The following TTC7A variants were observed in gnomAD, a reference collection of about 807,000 sequenced individuals.
TTC7A encodes the protein tetratricopeptide repeat domain 7A.
TTC7A carries 110 observed loss-of-function variants against 103.7 expected under a neutral mutation model. The ratio of observed to expected loss-of-function variants is 1.06; its 90% confidence interval spans 0.91 to 1.24. The LOEUF (loss-of-function observed/expected upper bound fraction) is 1.24. Among genes scored for constraint, TTC7A ranks in the 50% most tolerant of loss-of-function variants. The probability of loss-of-function intolerance (pLI) is 0.00; values close to 1 mark genes in which losing one functional copy is unlikely to be tolerated. For missense variants in TTC7A, 1,340 were observed against 1,116.3 expected, an observed-to-expected ratio of 1.20 and a Z score of -2.86; for synonymous variants, 521 against 467.9, an observed-to-expected ratio of 1.11 and a Z score of -1.47.
intron 11 of TTC7A, among the ~76,000 whole-genome samples, chr2:47,011,835 G>T (rs1408512707): frequency 6.6e-6 from 1 of 152,268 alleles, no homozygotes; most frequent in African/African-American, 2.4e-5. Flanking sequence ...TCTGGGGGCA[G>T]AGCTGCTCTT....
chr2:47,013,594 C>T (rs926470114), intron 11 of TTC7A, among the ~76,000 whole-genome samples: 15 of 152,208 alleles, frequency 9.9e-5, no homozygotes, highest in Non-Finnish European at 4.4e-5. Flanking sequence ...AGCCAACGGC[C>T]GCCCTTGCCA....
chr2:46,973,071 C>T (rs1383947242), intron 3 of TTC7A, among the ~76,000 whole-genome samples: 2 of 120,698 alleles, frequency 1.7e-5, no homozygotes, highest in South Asian at 2.7e-4. Context: ...GGGCTCACAA[C>T]TGTATGCTTT....
chr2:46,933,241 G>C (rs1216614690), intron 2 of TTC7A, among the ~76,000 whole-genome samples: 2 of 152,142 alleles, frequency 1.3e-5, no homozygotes, highest in Non-Finnish European at 2.9e-5. Flanking sequence ...GAAGGGACTG[G>C]GATGGTGGGA....
At chr2:47,041,650 G>A (rs571735540) in intron 15 of TTC7A, among the ~76,000 whole-genome samples, 2 of 152,092 alleles carry the variant, frequency 1.3e-5, no homozygotes, top group East Asian at 3.9e-4. Context: ...CTGCTCAGGA[G>A]GCTGAGGCAG....
chr2:47,007,921 C>T lies in TTC7A; in HGVS notation c.1287+1197C>T, dbSNP rs1357566336. Among the ~76,000 whole-genome samples, 1 of 152,236 alleles carries T rather than the reference C, an allele frequency of 6.6e-6. No individual in the cohort carries two copies. Among genetic ancestry groups the T allele is most frequent in the Non-Finnish European group, 1.5e-5 (1 of 68,040 alleles). On this transcript the variant is annotated intron_variant, in intron 10 of 19. Coordinates refer to ENST00000319190, the MANE Select transcript of TTC7A (RefSeq NM_020458.4). This position sits in a 1 kb window ranked among gnomAD's most constrained non-coding sequence, Gnocchi z 4.9. ...CAGAACACAGGGCAAGGCCCTGGCC[C>T]TCCAAGGGTTAGAGAGTGAGAGAAA...
intron 16 of TTC7A, among the ~76,000 whole-genome samples, chr2:47,048,929 T>C (rs1002456249): frequency 2.0e-5 from 3 of 152,084 alleles, no homozygotes; most frequent in Non-Finnish European, 4.4e-5. Flanking sequence ...GCACCACACT[T>C]TGTGCCTCCT....
chr2:46,958,726 C>G (rs1323930759), intron 3 of TTC7A, among the ~76,000 whole-genome samples: 2 of 152,208 alleles, frequency 1.3e-5, no homozygotes, highest in Non-Finnish European at 2.9e-5. Context: ...TTGCCTGACC[C>G]TGTGTGTGCT....
chr2:47,012,885 G>A lies in TTC7A; in HGVS notation c.1392+1450G>A, dbSNP rs147474819. Among the ~76,000 whole-genome samples the A allele has an allele frequency of 3.2e-3, 492 of 152,316 alleles. 1 individual carries two copies. The highest frequency in any genetic ancestry group is 0.011 in the African/African-American group (475 of 41,564). ...TGTGGCTGATCAGGAGGAAGGGAAA[G>A]TGTGGCATCTGGCTCGTGTTCTTTA... is the stretch of plus-strand genomic sequence containing the variant. On this transcript the variant is annotated intron_variant, in intron 11 of 19. Transcript: ENST00000319190.
At chr2:47,061,093 T>C in intron 19 of TTC7A, 122 bp downstream of exon 19, 1 of 1,074,576 alleles carries the variant, frequency 9.3e-7, no homozygotes, top group South Asian at 1.6e-5. Context: ...TGCTGTTCCC[T>C]GGTGTCTAGG....
At chr2:46,931,129 C>G (rs1003132732) in intron 2 of TTC7A, among the ~76,000 whole-genome samples, 2 of 152,320 alleles carry the variant, frequency 1.3e-5, no homozygotes, top group African/African-American at 4.8e-5. Context: ...ATGTTTATGT[C>G]CTAATCCTTG....
upstream of TTC7A, among the ~76,000 whole-genome samples, chr2:46,937,915 A>G (rs1205081693): frequency 6.6e-6 from 1 of 152,108 alleles, no homozygotes; most frequent in African/African-American, 2.4e-5. The surrounding 1 kb of genome is among the most constrained non-coding windows in gnomAD (Gnocchi z 4.0). Context: ...GACTGAAGAA[A>G]ACTACTGTGT....
intron 8 of TTC7A, among the ~76,000 whole-genome samples, chr2:47,002,915 C>A (rs1676980488): frequency 6.6e-6 from 1 of 152,150 alleles, no homozygotes; most frequent in South Asian, 2.1e-4. Flanking sequence ...GCACCAGTCC[C>A]TAGGACCCCC....
chr2:47,002,762 T>C (rs562752732), intron 8 of TTC7A, among the ~76,000 whole-genome samples: 1 of 152,200 alleles, frequency 6.6e-6, no homozygotes, highest in African/African-American at 2.4e-5. Context: ...CCCTCCCTGT[T>C]GCCATGGTTA....
At chr2:47,030,772 G>C (rs1173795686) in intron 15 of TTC7A, among the ~76,000 whole-genome samples, 1 of 152,224 alleles carries the variant, frequency 6.6e-6, no homozygotes, top group East Asian at 1.9e-4. Context: ...TGTAAGCAGA[G>C]TGTGTGGCCA....
At chr2:46,975,979 C>T (rs946851439) in intron 4 of TTC7A, among the ~76,000 whole-genome samples, 1 of 152,162 alleles carries the variant, frequency 6.6e-6, no homozygotes, top group South Asian at 2.1e-4. Flanking sequence ...TCAGGTGATC[C>T]ACCTGCCTCA....
intron 17 of TTC7A, among the ~76,000 whole-genome samples, chr2:47,051,186 A>G (rs985794897): frequency 5.3e-5 from 8 of 152,220 alleles, no homozygotes; most frequent in East Asian, 3.8e-4. Context: ...CCAAGGGAAG[A>G]AAAGAAAAAT....
At chr2:46,948,041 C>A (rs1011818982) in intron 1 of TTC7A, among the ~76,000 whole-genome samples, 1 of 152,220 alleles carries the variant, frequency 6.6e-6, no homozygotes, top group African/African-American at 2.4e-5. Context: ...CTCAACCAAG[C>A]GAGGAGCTCT....
At chr2:46,957,707 A>G (rs139471068) in intron 3 of TTC7A, among the ~76,000 whole-genome samples, 121 of 152,320 alleles carry the variant, frequency 7.9e-4, no homozygotes, top group African/African-American at 2.6e-3. Flanking sequence ...AATGTGTTCA[A>G]TGTTAAAGTC....
intron 10 of TTC7A, among the ~76,000 whole-genome samples, chr2:47,010,909 A>C (rs2104482613): frequency 6.6e-6 from 1 of 152,290 alleles, no homozygotes; most frequent in East Asian, 1.9e-4. Flanking sequence ...CAAGTTGGCC[A>C]GGCTGGTCTC....
Sources: allele counts gnomAD v4.1 joint callset (sites outside exome capture counted in the v4.1 genomes callset), GRCh38; gene constraint gnomAD v4.1.1; non-coding constraint Gnocchi (gnomAD v3.1); transcripts MANE v1.5; gene names NCBI Gene and HGNC (gene_info 2026-07-23, HGNC 2026-07-21).